Variants in RPS6KC1 observed in about 807,000 individuals in gnomAD.
The protein encoded by RPS6KC1 is inactive ribosomal protein S6 kinase delta-1.
A neutral mutation model predicts 103.8 loss-of-function variants in RPS6KC1; 54 were observed. The observed-to-expected ratio is 0.52, with a 90% CI of 0.42 to 0.65. RPS6KC1 has a LOEUF of 0.65. Among genes scored for constraint, RPS6KC1 ranks in the 30% least tolerant of loss-of-function variants. RPS6KC1 has a pLI of 0.00. For missense variants in RPS6KC1, 1,151 were observed against 1,253.8 expected, an observed-to-expected ratio of 0.92 and a Z score of 1.24; for synonymous variants, 439 against 438.7, an observed-to-expected ratio of 1.00 and a Z score of -0.01.
At chr1:213,444,124 C>T in the RPS6KC1 span, among the ~76,000 whole-genome samples, 3 of 152,132 alleles carry the variant, frequency 2.0e-5, no homozygotes, top group South Asian at 6.2e-4. Context: ...CAATCTTTAG[C>T]ATTCCTTGGC....
the RPS6KC1 span, among the ~76,000 whole-genome samples, chr1:213,792,179 G>A: frequency 6.6e-6 from 1 of 152,230 alleles, no homozygotes; most frequent in South Asian, 2.1e-4. Flanking sequence ...TCACAGAGCC[G>A]TATGAAGAAG....
intron 2 of RPS6KC1, among the ~76,000 whole-genome samples, chr1:213,075,598 C>A (rs1036875904): frequency 1.3e-5 from 2 of 152,152 alleles, no homozygotes; most frequent in Non-Finnish European, 2.9e-5. Context: ...GAAAATTGAA[C>A]CTCTTTCTTG....
At chr1:213,796,202 TC>T in the RPS6KC1 span, among the ~76,000 whole-genome samples, 1 of 152,218 alleles carries the variant, frequency 6.6e-6, no homozygotes, top group Admixed American at 6.5e-5. Flanking sequence ...TCATTTCCCT[TC>T]TTGTTTCATG....
chr1:213,393,374 C>T, the RPS6KC1 span, among the ~76,000 whole-genome samples: 4 of 152,150 alleles, frequency 2.6e-5, no homozygotes, highest in South Asian at 2.1e-4. Context: ...TTGGTCCACC[C>T]GGATCAATAG....
chr1:213,548,012 G>A, the RPS6KC1 span, among the ~76,000 whole-genome samples: 1 of 152,222 alleles, frequency 6.6e-6, no homozygotes, highest in Non-Finnish European at 1.5e-5. Context: ...GGTATAGTAA[G>A]TGCCAAAAAA....
In RPS6KC1 at chr1:213,241,262, A is replaced by G. The variant is rs763634024; in HGVS notation, c.1786A>G (p.Ser596Gly). 3.7e-6 allele frequency: 6 copies of G among 1,613,838 alleles called. No individual in the cohort carries two copies. Among genetic ancestry groups the G allele is most frequent in the Non-Finnish European group, 5.1e-6 (6 of 1,179,914 alleles). Residue 596 changes from serine (S) to glycine (G), a missense_variant, in exon 11 of 15, where the codon AGC becomes GGC. By Grantham distance (56) the Ser-to-Gly change is moderately conservative. Transcript: ENST00000366960. ...TSDSLSRSKNSPMEFFRIDSK... is the reference protein window; with the variant it reads ...TSDSLSRSKNGPMEFFRIDSK... Reference sequence around the variant, plus strand: ...AGATTCCCTCAGTAGATCAAAAAATAGCCCCATGGAATTCTTTAGGATAGA... The same window carrying G: ...AGATTCCCTCAGTAGATCAAAAAATGGCCCCATGGAATTCTTTAGGATAGA...
chr1:213,460,302 T>A, the RPS6KC1 span, among the ~76,000 whole-genome samples: 1 of 152,218 alleles, frequency 6.6e-6, no homozygotes, highest in African/African-American at 2.4e-5. Context: ...TAGCTCTTCT[T>A]GTTGCATTGA....
At chr1:213,795,993 T>C in the RPS6KC1 span, among the ~76,000 whole-genome samples, 1 of 152,160 alleles carries the variant, frequency 6.6e-6, no homozygotes, top group Admixed American at 6.5e-5. Flanking sequence ...GGTTCCTCAA[T>C]AGACTGTACA....
chr1:213,831,007 G>A, the RPS6KC1 span, among the ~76,000 whole-genome samples: 1 of 152,096 alleles, frequency 6.6e-6, no homozygotes, highest in Non-Finnish European at 1.5e-5. Context: ...GTCTCCTATA[G>A]CCATCCTTCA....
chr1:213,854,552 CTTTCTTTCTT>C, the RPS6KC1 span, among the ~76,000 whole-genome samples: 298 of 105,042 alleles, frequency 2.8e-3, 1 homozygote, highest in African/African-American at 0.013. Context: ...TTCTTTCTTT[CTTTCTTTCTT>C]TCTCTCTCTC....
At chr1:213,386,370 G>A in the RPS6KC1 span, among the ~76,000 whole-genome samples, 1 of 152,162 alleles carries the variant, frequency 6.6e-6, no homozygotes, top group Non-Finnish European at 1.5e-5. Context: ...CAAACAAATG[G>A]ACAAAGACAT....
intron 14 of RPS6KC1, among the ~76,000 whole-genome samples, chr1:213,263,774 A>G (rs892321895): frequency 1.3e-5 from 2 of 152,188 alleles, no homozygotes; most frequent in South Asian, 2.1e-4. Context: ...GTAAATAACC[A>G]TACCACATGG....
the RPS6KC1 span, among the ~76,000 whole-genome samples, chr1:213,463,940 G>T: frequency 1.3e-5 from 2 of 152,252 alleles, no homozygotes; most frequent in South Asian, 4.1e-4. Flanking sequence ...CATTATAAAT[G>T]CGTGTTGATT....
At chr1:213,325,933 C>T in the RPS6KC1 span, among the ~76,000 whole-genome samples, 1 of 152,206 alleles carries the variant, frequency 6.6e-6, no homozygotes, top group Non-Finnish European at 1.5e-5. Flanking sequence ...GAGTCAGAAA[C>T]ATTTGTTTGC....
intron 10 of RPS6KC1, among the ~76,000 whole-genome samples, chr1:213,235,112 A>G (rs2094193645): frequency 6.6e-6 from 1 of 152,184 alleles, no homozygotes; most frequent in Non-Finnish European, 1.5e-5. Context: ...GAGAAAGCAA[A>G]CCTTGAACAG....
At chr1:213,692,442 C>G in the RPS6KC1 span, among the ~76,000 whole-genome samples, 5 of 151,648 alleles carry the variant, frequency 3.3e-5, no homozygotes, top group Admixed American at 3.3e-4. Flanking sequence ...GTAAAGTACA[C>G]TTGGAAGAGG....
In RPS6KC1 at chr1:213,077,691, T is replaced by C. The variant is rs777309617; in HGVS notation, c.142-5T>C. On this transcript the variant is annotated splice_region_variant and splice_polypyrimidine_tract_variant and intron_variant, in intron 2 of 14. Coordinates refer to ENST00000366960, the MANE Select transcript of RPS6KC1 (RefSeq NM_012424.6). ...GAGATACATGTTTAATTTTTTTCTCTCTAGATAATTGTATGGAAGAGATAC... is the reference window on the plus strand; with the variant it reads ...GAGATACATGTTTAATTTTTTTCTCCCTAGATAATTGTATGGAAGAGATAC... The C allele has an allele frequency of 7.0e-7, 1 of 1,421,810 alleles. No homozygotes were observed. The highest frequency in any genetic ancestry group is 9.6e-7 in the Non-Finnish European group (1 of 1,045,126). 88.1% of individuals were successfully genotyped at this position (1,421,810 alleles called of 1,614,324 possible).
At chr1:213,242,811 G>A (rs2094386395) in intron 12 of RPS6KC1, among the ~76,000 whole-genome samples, 153 bp downstream of exon 12, 1 of 152,068 alleles carries the variant, frequency 6.6e-6, no homozygotes, top group Admixed American at 6.6e-5. Context: ...AAAATTTGGG[G>A]CTAAACCAAT....
intron 2 of RPS6KC1, among the ~76,000 whole-genome samples, chr1:213,071,896 C>T (rs563732466): frequency 7.3e-5 from 11 of 151,498 alleles, no homozygotes; most frequent in Non-Finnish European, 1.3e-4. Context: ...ATAATGGTAC[C>T]AGCCTGTTAT....
Sources: allele counts gnomAD v4.1 joint callset (sites outside exome capture counted in the v4.1 genomes callset), GRCh38; gene constraint gnomAD v4.1.1; transcripts MANE v1.5; gene names NCBI Gene and HGNC (gene_info 2026-07-23, HGNC 2026-07-21).